MYO16: variants seen among roughly 807,000 people sequenced by gnomAD.
The protein encoded by MYO16 is myosin XVI.
A neutral mutation model predicts 205.3 loss-of-function variants in MYO16; 94 were observed. The ratio of observed to expected loss-of-function variants is 0.46; its 90% CI spans 0.39 to 0.54. The LOEUF (loss-of-function observed/expected upper bound fraction) is 0.54. MYO16 is among the 20% of genes least tolerant of loss of function. The pLI is 0.00. For synonymous variants in MYO16, 988 were observed against 954.0 expected (o/e 1.04, Z -0.66); for missense variants, 2,315 against 2,387.5 (o/e 0.97, Z 0.63).
At chr13:109,038,545 C>T (rs1886785198) in intron 23 of MYO16, among the ~76,000 whole-genome samples, 1 of 152,088 alleles carries the variant, frequency 6.6e-6, no homozygotes, top group African/African-American at 2.4e-5. Context: ...GGGTCTCCAG[C>T]TTGCAGATGG....
At chr13:108,672,931 T>A (rs1399089027) in intron 2 of MYO16, among the ~76,000 whole-genome samples, 1 of 152,188 alleles carries the variant, frequency 6.6e-6, no homozygotes, top group African/African-American at 2.4e-5. Context: ...TAAAAGTAAC[T>A]GCTGATGTTA....
chr13:109,157,734 A>G (rs543300607), intron 32 of MYO16, among the ~76,000 whole-genome samples: 14 of 152,226 alleles, frequency 9.2e-5, no homozygotes, highest in Middle Eastern at 3.2e-3. Context: ...GGTTGGCATT[A>G]TAAGTGTCAA....
the MYO16 span, among the ~76,000 whole-genome samples, chr13:108,534,209 GC>G: frequency 6.6e-6 from 1 of 152,114 alleles, no homozygotes; most frequent in African/African-American, 2.4e-5. Context: ...TCAGAAGAAA[GC>G]CTTCAAACAA....
intron 1 of MYO16, among the ~76,000 whole-genome samples, chr13:108,607,659 G>A (rs908569618): frequency 6.6e-6 from 1 of 152,108 alleles, no homozygotes; most frequent in South Asian, 2.1e-4. Flanking sequence ...AACTAATACA[G>A]TAAATAACAA....
chr13:109,013,542 C>G (rs1394863743), intron 22 of MYO16, among the ~76,000 whole-genome samples: 1 of 152,192 alleles, frequency 6.6e-6, no homozygotes, highest in African/African-American at 2.4e-5. Context: ...GATCACCACA[C>G]TGTCTTCCAC....
At chr13:108,904,779 A>G (rs1880880585) in intron 15 of MYO16, among the ~76,000 whole-genome samples, 1 of 152,136 alleles carries the variant, frequency 6.6e-6, no homozygotes, top group Admixed American at 6.6e-5. Context: ...TGTTGCATCC[A>G]TCCCCTTATG....
At chr13:108,771,094 G>C (rs1885947550) in intron 4 of MYO16, among the ~76,000 whole-genome samples, 1 of 152,098 alleles carries the variant, frequency 6.6e-6, no homozygotes, top group Non-Finnish European at 1.5e-5. Context: ...ACTATAAAGG[G>C]GAGGACTATA....
At chr13:108,909,052 A>T (rs912765429) in intron 15 of MYO16, among the ~76,000 whole-genome samples, 1 of 148,232 alleles carries the variant, frequency 6.7e-6, no homozygotes, top group Non-Finnish European at 1.5e-5. Context: ...ATTCATAATG[A>T]TAAAAATAAA....
At chr13:108,729,165 A>G (rs1484949954) in intron 4 of MYO16, among the ~76,000 whole-genome samples, 2 of 152,128 alleles carry the variant, frequency 1.3e-5, no homozygotes, top group Non-Finnish European at 2.9e-5. Context: ...ACTCATTTAT[A>G]AAACAAGATT....
At chr13:108,587,700 T>C in the MYO16 span, among the ~76,000 whole-genome samples, 19 of 152,244 alleles carry the variant, frequency 1.2e-4, no homozygotes, top group African/African-American at 4.3e-4. Flanking sequence ...CACAACATTA[T>C]ACATATATAA....
intron 27 of MYO16, among the ~76,000 whole-genome samples, chr13:109,082,666 C>G (rs1387440207): frequency 6.6e-6 from 1 of 152,098 alleles, no homozygotes; most frequent in Non-Finnish European, 1.5e-5. Flanking sequence ...AAAACCCCGT[C>G]TCTACTAAAA....
the MYO16 span, among the ~76,000 whole-genome samples, chr13:108,508,141 A>G: frequency 6.6e-6 from 1 of 151,254 alleles, no homozygotes; most frequent in African/African-American, 2.4e-5. Context: ...TAATTCATAG[A>G]TCTCGACTTC....
At chr13:108,526,747 A>T in the MYO16 span, among the ~76,000 whole-genome samples, 1 of 152,222 alleles carries the variant, frequency 6.6e-6, no homozygotes, top group Non-Finnish European at 1.5e-5. Context: ...TATGTCATTA[A>T]TAAATACATT....
In MYO16 at chr13:109,017,127, G is replaced by T. The variant is rs543412266; in HGVS notation, c.2596-2584G>T. Among the ~76,000 whole-genome samples, 4 of 152,252 alleles carry T rather than the reference G, an allele frequency of 2.6e-5. No individual in the cohort carries two copies. In the South Asian group the frequency reaches 8.3e-4, roughly 32 times the overall value. ...CTGGTTCTTCCTTTCCATGTTTAGT[G>T]CTTCCTTCATCAGCTCTTGTAAGGC... On this transcript the variant is annotated intron_variant, in intron 22 of 34. Transcript: ENST00000457511.
chr13:108,775,898 AT>A (rs1254397632), intron 4 of MYO16, among the ~76,000 whole-genome samples: 1 of 152,204 alleles, frequency 6.6e-6, no homozygotes, highest in Non-Finnish European at 1.5e-5. Context: ...TCTTTGGAGT[AT>A]TCGAAGCACG....
chr13:109,069,579 C>T (rs549260552), intron 27 of MYO16, among the ~76,000 whole-genome samples: 439 of 15,506 alleles, frequency 0.028, 2 homozygotes, highest in South Asian at 0.16. Context: ...GCTTGCCCCT[C>T]AGTTGTAGAG....
At chr13:109,063,048 A>T (rs1422621199) in intron 27 of MYO16, among the ~76,000 whole-genome samples, 3 of 152,180 alleles carry the variant, frequency 2.0e-5, no homozygotes, top group Non-Finnish European at 4.4e-5. Flanking sequence ...TGCCGTTGGG[A>T]AGTAAGCAAC....
intron 29 of MYO16, 144 bp from the exon 30 acceptor site, chr13:109,124,968 G>T (rs138708607): frequency 1.8e-5 from 16 of 903,062 alleles, no homozygotes; most frequent in Middle Eastern, 3.1e-4. Context: ...TGTTATCACT[G>T]CTGATTTAGA....
chr13:108,578,563 G>A, the MYO16 span, among the ~76,000 whole-genome samples: 3 of 152,138 alleles, frequency 2.0e-5, no homozygotes, highest in Non-Finnish European at 4.4e-5. Flanking sequence ...TACTTATAAA[G>A]ACTCTCCTTT....
Sources: gnomAD v4.1 joint callset for allele counts (sites outside exome capture counted in the v4.1 genomes callset) on GRCh38, gnomAD v4.1.1 for gene constraint, MANE v1.5 for transcripts, NCBI Gene and HGNC (gene_info 2026-07-23, HGNC 2026-07-21) for gene names.